STK39: variants seen among roughly 807,000 people sequenced by gnomAD.
STK39 encodes STE20/SPS1-related proline-alanine-rich protein kinase.
Under a neutral mutation model 77.8 loss-of-function variants are expected in STK39, and 20 were observed. The observed-to-expected ratio is 0.26, with a 90% confidence interval of 0.18 to 0.37. The LOEUF is 0.37. Among genes scored for constraint, STK39 ranks in the 10% least tolerant of loss-of-function variants. The probability of loss-of-function intolerance (pLI) is 1.00; values close to 1 mark genes in which losing one functional copy is unlikely to be tolerated. For synonymous variants in STK39, 246 were observed against 234.1 expected (o/e 1.05, Z -0.47); for missense variants, 479 against 656.5 (o/e 0.73, Z 2.95).
intron 14 of STK39, among the ~76,000 whole-genome samples, chr2:168,018,596 A>AAGAAAGAT (rs1684492419): frequency 6.7e-6 from 1 of 149,900 alleles, no homozygotes. Context: ...GAAAGAAAGA[A>AAGAAAGAT]AGAAATTGCA....
intron 1 of STK39, among the ~76,000 whole-genome samples, chr2:168,202,802 T>C (rs943453776): frequency 6.6e-6 from 1 of 151,984 alleles, no homozygotes. Context: ...AACAATAAAT[T>C]TTAAAAGTGA....
Position 168,123,818 on chromosome 2 carries a change from G to T in STK39, c.1089+5723C>A, listed in dbSNP as rs1352420465. Among the ~76,000 whole-genome samples the T allele has an allele frequency of 2.1e-5, 3 of 146,130 alleles. No homozygotes were observed. The South Asian group carries it at 6.5e-4, about 32-fold the overall frequency. On this transcript the variant is annotated intron_variant, in intron 10 of 17. Coordinates refer to ENST00000355999, the MANE Select transcript of STK39 (RefSeq NM_013233.3). Reference sequence around the variant, plus strand: ...TGGGAAGCGGAGGTTGCAGTGAGTGGAGATCACGCCATTGCACTTCATCCA... The same window carrying T: ...TGGGAAGCGGAGGTTGCAGTGAGTGTAGATCACGCCATTGCACTTCATCCA...
At chr2:168,135,179 A>G (rs1687798323) in intron 8 of STK39, among the ~76,000 whole-genome samples, 1 of 152,164 alleles carries the variant, frequency 6.6e-6, no homozygotes, top group African/African-American at 2.4e-5. Context: ...ACACAGTGTA[A>G]TAAGTGCTAC....
At chr2:168,066,091 C>T (rs1685787207) in intron 12 of STK39, among the ~76,000 whole-genome samples, 1 of 152,108 alleles carries the variant, frequency 6.6e-6, no homozygotes, top group African/African-American at 2.4e-5. Flanking sequence ...AAAGGTTCTC[C>T]TATTTCTAAA....
chr2:168,226,541 A>T (rs1690310584), intron 1 of STK39, among the ~76,000 whole-genome samples: 1 of 152,216 alleles, frequency 6.6e-6, no homozygotes, highest in African/African-American at 2.4e-5. Context: ...TTCATTTTTT[A>T]GACCATAAGT....
At chr2:168,089,455 T>C (rs1473817936) in intron 10 of STK39, among the ~76,000 whole-genome samples, 1 of 152,178 alleles carries the variant, frequency 6.6e-6, no homozygotes, top group African/African-American at 2.4e-5. Flanking sequence ...AGATGTGACT[T>C]TCAATGGAAG....
At chr2:168,087,678 T>C (rs1388182286) in intron 10 of STK39, among the ~76,000 whole-genome samples, 2 of 152,226 alleles carry the variant, frequency 1.3e-5, no homozygotes, top group African/African-American at 4.8e-5. Flanking sequence ...TATCTCTTTA[T>C]AGGTCTCTCC....
chr2:168,140,799 AT>A, intron 5 of STK39, 41 bp from the exon 6 acceptor site: 1 of 1,476,710 alleles, frequency 6.8e-7, no homozygotes, highest in Non-Finnish European at 9.3e-7. Context: ...TATGTAAGAC[AT>A]TATTGCTTAT....
At chr2:167,986,556 C>A (rs1293731947) in intron 16 of STK39, among the ~76,000 whole-genome samples, 1 of 152,138 alleles carries the variant, frequency 6.6e-6, no homozygotes, top group Admixed American at 6.5e-5. Flanking sequence ...GAGAGGATAC[C>A]AATTTGCTGT....
At chr2:168,071,741 C>A (rs1405919161) in intron 12 of STK39, among the ~76,000 whole-genome samples, 1 of 151,922 alleles carries the variant, frequency 6.6e-6, no homozygotes, top group Non-Finnish European at 1.5e-5. Context: ...TGGTGGCAGG[C>A]ACCTGTAGTC....
intron 12 of STK39, among the ~76,000 whole-genome samples, chr2:168,071,286 A>C (rs1285064421): frequency 2.0e-5 from 3 of 152,116 alleles, no homozygotes; most frequent in African/African-American, 7.2e-5. Flanking sequence ...GTGCATACCC[A>C]ATTCATGTCA....
At chr2:168,161,533 A>ATTAC (rs1688572833) in intron 5 of STK39, among the ~76,000 whole-genome samples, 1 of 152,224 alleles carries the variant, frequency 6.6e-6, no homozygotes, top group South Asian at 2.1e-4. Context: ...AAGGTAGAAA[A>ATTAC]CATAATAAAA....
intron 4 of STK39, among the ~76,000 whole-genome samples, chr2:168,163,227 T>C (rs1205743026): frequency 6.6e-6 from 1 of 152,150 alleles, no homozygotes; most frequent in East Asian, 1.9e-4. Context: ...ACATTTTATG[T>C]CACAAAAGAA....
intron 10 of STK39, among the ~76,000 whole-genome samples, chr2:168,119,284 T>C (rs567863508): frequency 8.5e-5 from 13 of 152,116 alleles, no homozygotes; most frequent in Non-Finnish European, 1.6e-4. Context: ...GTTATTATTG[T>C]ACATGTTGAC....
intron 2 of STK39, among the ~76,000 whole-genome samples, chr2:168,171,663 A>C (rs1489412145): frequency 6.6e-6 from 1 of 151,802 alleles, no homozygotes; most frequent in African/African-American, 2.4e-5. Context: ...ATTTTTAAAA[A>C]TTTTTTGTAG....
chr2:168,127,841 T>C (rs1460657210), intron 10 of STK39, among the ~76,000 whole-genome samples: 1 of 152,078 alleles, frequency 6.6e-6, no homozygotes, highest in Non-Finnish European at 1.5e-5. Flanking sequence ...CAGTTAAAAA[T>C]AGTGGAGAAA....
chr2:167,975,817 C>T (rs528380186), intron 16 of STK39, among the ~76,000 whole-genome samples: 143 of 152,282 alleles, frequency 9.4e-4, no homozygotes, highest in Non-Finnish European at 1.5e-3. Context: ...TTTGGGAATT[C>T]TCCATGACCG....
At chr2:167,992,628 A>T (rs1173148911) in intron 16 of STK39, among the ~76,000 whole-genome samples, 1 of 152,188 alleles carries the variant, frequency 6.6e-6, no homozygotes, top group Non-Finnish European at 1.5e-5. Context: ...AAGACTTGAG[A>T]CAGAAAATAT....
rs187743027 is a variant in STK39 at position 167,977,714 on chromosome 2, C to T, written c.1499-12988G>A. Among the ~76,000 whole-genome samples the T allele has an allele frequency of 3.9e-5, 6 of 152,182 alleles. No individual in the cohort carries two copies. The East Asian group carries it at 1.2e-3, about 29-fold the overall frequency. On this transcript the variant is annotated intron_variant, in intron 16 of 17. Coordinates refer to ENST00000355999, the MANE Select transcript of STK39 (RefSeq NM_013233.3). ...GTCTTGGAACCCTCTGAATTGTGGG[C>T]AAAACTTTGTGTGCACATTTCTGGG...
Sources: gnomAD v4.1 joint callset for allele counts (sites outside exome capture counted in the v4.1 genomes callset) on GRCh38, gnomAD v4.1.1 for gene constraint, MANE v1.5 for transcripts, NCBI Gene and HGNC (gene_info 2026-07-23, HGNC 2026-07-21) for gene names.